The following DIP2A variants were observed in gnomAD, a reference collection of about 807,000 sequenced individuals.
DIP2A encodes the protein DIP2 acetate--CoA ligase A.
DIP2A carries 85 observed loss-of-function variants against 177.4 expected under a neutral mutation model. The observed-to-expected ratio is 0.48, with a 90% CI of 0.40 to 0.57. The LOEUF (loss-of-function observed/expected upper bound fraction) is 0.57. Among genes scored for constraint, DIP2A ranks in the 20% least tolerant of loss-of-function variants. The pLI is 0.00. For missense variants in DIP2A, 1,791 were observed against 2,100.2 expected, an observed-to-expected ratio of 0.85 and a Z score of 2.88; for synonymous variants, 886 against 881.8, an observed-to-expected ratio of 1.00 and a Z score of -0.08.
chr21:46,472,890 T>C (rs2055514672), intron 1 of DIP2A, among the ~76,000 whole-genome samples: 1 of 152,220 alleles, frequency 6.6e-6, no homozygotes, highest in Non-Finnish European at 1.5e-5. Context: ...TTTAGAACTT[T>C]CTGCTACGAT....
At position 46,537,428 on chromosome 21, in the gene DIP2A, A is replaced by G. The variant is rs755730197; in HGVS notation, c.1708-18A>G. ...TGGCTCGGGCCCACTCGCCCTAAGC[A>G]TGTGTGCTCCCCCACAGAGCGTCAT... is the stretch of plus-strand genomic sequence containing the variant. On this transcript the variant is annotated intron_variant, in intron 14 of 37. Transcript: ENST00000417564. The surrounding 1 kb of genome is among the most constrained non-coding windows in gnomAD (Gnocchi z 4.1). 2 of 1,613,822 alleles carry G rather than the reference A, an allele frequency of 1.2e-6. No individual in the cohort carries two copies. Among genetic ancestry groups the G allele is most frequent in the Non-Finnish European group, 1.7e-6 (2 of 1,179,834 alleles).
At chr21:46,565,260 C>T (rs2060800272) in intron 35 of DIP2A, among the ~76,000 whole-genome samples, 2 of 152,238 alleles carry the variant, frequency 1.3e-5, no homozygotes, top group Non-Finnish European at 2.9e-5. Flanking sequence ...GTGGGGCTGA[C>T]GTTAACCCTG....
chr21:46,514,450 T>A lies in DIP2A; in HGVS notation c.1102+2836T>A, dbSNP rs555752464. Among the ~76,000 whole-genome samples the A allele has an allele frequency of 1.9e-4, 29 of 149,346 alleles. No homozygotes were observed. In the South Asian group the frequency reaches 5.6e-3, roughly 29 times the overall value. ...GACTCCATCTCAAAAAAAAAAAAAA[T>A]GATGACTTTGTATCCAGTTATCTCA... On this transcript the variant is annotated intron_variant, in intron 8 of 37. Transcript: ENST00000417564.
intron 1 of DIP2A, among the ~76,000 whole-genome samples, chr21:46,467,019 G>A (rs567631049): frequency 5.1e-4 from 78 of 152,028 alleles, no homozygotes; most frequent in African/African-American, 1.3e-3. Context: ...GAGTTAGGCC[G>A]GGCGCGGTGG....
At chr21:46,546,109 A>C (rs1601784447) in intron 20 of DIP2A, 148 bp downstream of exon 20, 2 of 1,486,932 alleles carry the variant, frequency 1.3e-6, no homozygotes. Context: ...CCTGCCCATC[A>C]CCCTACCTGT....
intron 3 of DIP2A, among the ~76,000 whole-genome samples, chr21:46,494,878 T>C (rs2057219338): frequency 6.6e-6 from 1 of 152,208 alleles, no homozygotes; most frequent in South Asian, 2.1e-4. Flanking sequence ...GATAAGAAGT[T>C]CTAGGTTCAT....
At chr21:46,572,249 T>C (rs1225335253), downstream of DIP2A, among the ~76,000 whole-genome samples, 1 of 152,162 alleles carries the variant, frequency 6.6e-6, no homozygotes, top group Non-Finnish European at 1.5e-5. Flanking sequence ...TTAAAAACAT[T>C]TGAAAGTTTA....
At chr21:46,461,595 G>A (rs1165629399) in intron 1 of DIP2A, among the ~76,000 whole-genome samples, 3 of 152,098 alleles carry the variant, frequency 2.0e-5, no homozygotes, top group Non-Finnish European at 2.9e-5. Flanking sequence ...TAATTTGTGC[G>A]ACAGAACACA....
intron 8 of DIP2A, among the ~76,000 whole-genome samples, chr21:46,521,789 G>C (rs1218246761): frequency 6.6e-6 from 1 of 152,140 alleles, no homozygotes; most frequent in Non-Finnish European, 1.5e-5. Flanking sequence ...TCTTTTACAA[G>C]ATTAATTTTT....
intron 27 of DIP2A, 39 bp downstream of exon 27, chr21:46,554,735 G>A (rs1446939964): frequency 6.4e-7 from 1 of 1,551,018 alleles, no homozygotes; most frequent in South Asian, 1.2e-5. Context: ...TCTGTGAGTG[G>A]GAGGCTGCAA....
intron 15 of DIP2A, among the ~76,000 whole-genome samples, chr21:46,538,089 G>T (rs1191334961): frequency 6.6e-6 from 1 of 152,178 alleles, no homozygotes; most frequent in Non-Finnish European, 1.5e-5. Flanking sequence ...AGCCAGTGCA[G>T]GGGCCAGACT....
chr21:46,508,109 C>T (rs1057221910), intron 6 of DIP2A, among the ~76,000 whole-genome samples: 13 of 151,624 alleles, frequency 8.6e-5, no homozygotes, highest in African/African-American at 2.7e-4. Context: ...TCATGGCTCA[C>T]TGTAGCCTGA....
At chr21:46,466,706 A>G (rs1311198888) in intron 1 of DIP2A, among the ~76,000 whole-genome samples, 3 of 151,856 alleles carry the variant, frequency 2.0e-5, no homozygotes, top group Non-Finnish European at 2.9e-5. Context: ...TCAAGGAAGA[A>G]TGTCCACAGT....
At chr21:46,490,560 A>G in intron 2 of DIP2A, 40 bp from the exon 3 acceptor site, 1 of 1,525,142 alleles carries the variant, frequency 6.6e-7, no homozygotes, top group Non-Finnish European at 8.8e-7. Context: ...TGGAAAAGCA[A>G]ATTGTTCACA....
chr21:46,554,669 A>G lies in DIP2A; in HGVS notation c.3249A>G (p.Thr1083=), dbSNP rs1107065. ...CGCACCCTCAGAACCTCGGCACCAC[A>G]CTGCCCACCGTCAAGATGATCGTGG... ...RPPHPQNLGT[T]LPTVKMIVEV... The change falls in exon 27 of 38, where the codon ACA becomes ACG. Residue 1083 remains threonine (T), a synonymous_variant. Transcript: ENST00000417564. 0.42 allele frequency: 657,277 copies of G among 1,574,892 alleles called. 140,247 individuals carry two copies. The highest frequency in any genetic ancestry group is 0.44 in the Non-Finnish European group (511,669 of 1,161,144).
chr21:46,524,476 A>T (rs995378680), intron 8 of DIP2A, among the ~76,000 whole-genome samples: 3 of 152,156 alleles, frequency 2.0e-5, no homozygotes, highest in Non-Finnish European at 4.4e-5. Context: ...CTGTGGTCTT[A>T]TCTCCTTTGG....
chr21:46,554,786 G>GGGGGGGGGGGGGGGCCCCCC, intron 27 of DIP2A, 36 bp from the exon 28 acceptor site: 1 of 1,519,072 alleles, frequency 6.6e-7, no homozygotes, highest in Non-Finnish European at 8.8e-7. Flanking sequence ...AGCTTGAGAG[G>GGGGGGGGGGGGGGGCCCCCC]CCCCGCCCAC....
rs751750026 is a variant in DIP2A at position 46,558,270 on chromosome 21, C to G, written c.3846C>G (p.Ala1282=). ...GTGTGCGCACGTGCATGGTGGTCGC[C>G]GAGGAGCGGCCCAGGATTGCGCTGA... The part of the protein sequence containing the change: ...LSCVRTCMVV[A]EERPRIALTQ... Residue 1282 remains alanine (A), a synonymous_variant, in exon 32 of 38, where the codon GCC becomes GCG. Transcript: ENST00000417564. 1 of 1,612,552 alleles carries G rather than the reference C, an allele frequency of 6.2e-7. No homozygotes were observed. Among genetic ancestry groups the G allele is most frequent in the East Asian group, 2.2e-5 (1 of 44,868 alleles).
intron 9 of DIP2A, among the ~76,000 whole-genome samples, chr21:46,530,277 C>A (rs1336900960): frequency 1.3e-5 from 2 of 152,204 alleles, no homozygotes; most frequent in Non-Finnish European, 2.9e-5. Context: ...GGTTAACAAG[C>A]TGGCAGACAG....
Sources: allele counts gnomAD v4.1 joint callset (sites outside exome capture counted in the v4.1 genomes callset), GRCh38; gene constraint gnomAD v4.1.1; non-coding constraint Gnocchi (gnomAD v3.1); transcripts MANE v1.5; gene names NCBI Gene and HGNC (gene_info 2026-07-23, HGNC 2026-07-21).